Variants in PRR19 observed in about 807,000 individuals in gnomAD.
The protein encoded by PRR19 is proline rich 19.
A neutral mutation model predicts 19.2 loss-of-function variants in PRR19; 9 were observed. The ratio of observed to expected loss-of-function variants is 0.47; its 90% CI spans 0.28 to 0.82. The LOEUF (loss-of-function observed/expected upper bound fraction) is 0.82, where lower values mean the gene tolerates loss of function less well. Ranked by LOEUF, PRR19 falls within the 40% of genes least tolerant of loss-of-function variation. PRR19 has a pLI of 0.11. For missense variants in PRR19, 457 were observed against 466.0 expected, an observed-to-expected ratio of 0.98 and a Z score of 0.18; for synonymous variants, 190 against 191.0, an observed-to-expected ratio of 0.99 and a Z score of 0.04.
chr19:42,303,064 G>GGGGT (rs371257168), intron 1 of PRR19, among the ~76,000 whole-genome samples: 1,804 of 134,032 alleles, frequency 0.013, 17 homozygotes, highest in East Asian at 0.02. Flanking sequence ...AAACACCGTG[G>GGGGT]GTGTGTGTGT....
chr19:42,306,848 G>C (rs928516535), intron 1 of PRR19: 1 of 152,226 alleles, frequency 6.6e-6, no homozygotes, highest in Non-Finnish European at 1.5e-5. Context: ...GGCTGGGAGG[G>C]GAGGGGCTAT....
rs1274347080 is a variant in PRR19, at chr19:42,302,270, C to G, written c.-240C>G. Reference sequence around the variant, plus strand: ...CGCCCGTCGCCCTGTACGTCCTGCACCGGCGTGGGCTTGCTGGCTGGGTTC... The same window carrying G: ...CGCCCGTCGCCCTGTACGTCCTGCAGCGGCGTGGGCTTGCTGGCTGGGTTC... On this transcript the variant is annotated 5_prime_UTR_variant, in exon 1 of 3. Transcript: ENST00000341747. The G allele has an allele frequency of 2.5e-6, 4 of 1,607,156 alleles. No individual in the cohort carries two copies. Among genetic ancestry groups the G allele is most frequent in the African/African-American group, 2.7e-5 (2 of 74,828 alleles).
chr19:42,303,120 A>C (rs2038667350), intron 1 of PRR19, among the ~76,000 whole-genome samples: 1 of 147,642 alleles, frequency 6.8e-6, no homozygotes, highest in South Asian at 2.1e-4. Context: ...AATCTAAAGT[A>C]CATATCTTTG....
intron 1 of PRR19, among the ~76,000 whole-genome samples, chr19:42,303,265 G>C (rs1241556139): frequency 6.6e-6 from 1 of 152,088 alleles, no homozygotes; most frequent in East Asian, 1.9e-4. Flanking sequence ...GGTGCAGAAA[G>C]AGAAAGGAAA....
At chr19:42,305,342 G>A (rs2038696742) in intron 1 of PRR19, among the ~76,000 whole-genome samples, 3 of 150,848 alleles carry the variant, frequency 2.0e-5, no homozygotes, top group South Asian at 2.1e-4. Context: ...GCAATGGCGC[G>A]ATCTCGGCTC....
intron 1 of PRR19, chr19:42,302,834 TG>T: frequency 4.3e-5 from 1 of 23,084 alleles, no homozygotes; most frequent in South Asian, 1.5e-3. Flanking sequence ...ATTCACGTGG[TG>T]GGGGGAGGGG....
At chr19:42,304,156 C>G (rs1003075628) in intron 1 of PRR19, among the ~76,000 whole-genome samples, 1 of 151,842 alleles carries the variant, frequency 6.6e-6, no homozygotes, top group Non-Finnish European at 1.5e-5. Context: ...AGCACACGCC[C>G]GTAGTCCCAG....
At chr19:42,306,019 G>A (rs1033209688) in intron 1 of PRR19, among the ~76,000 whole-genome samples, 6 of 152,036 alleles carry the variant, frequency 3.9e-5, no homozygotes, top group Non-Finnish European at 8.8e-5. Context: ...ATACAGTCGT[G>A]AGCCAATGCA....
Position 42,309,589 on chromosome 19 carries a change from A to G in PRR19, c.5A>G (p.Asp2Gly), listed in dbSNP as rs1944106706. Residue 2 changes from aspartate to glycine, a missense_variant, in exon 2 of 3, where the codon GAT (aspartate) becomes GGT (glycine). Coordinates refer to ENST00000341747, the MANE Select transcript of PRR19 (RefSeq NM_199285.3). M[D>G]TQGPVSQPFQ... The stretch of plus-strand genomic sequence containing the variant: ...ATCTTTATATTCCAGGACACCATGG[A>G]TACCCAGGGACCAGTCTCCCAGCCT... 2 of 1,518,922 alleles carry G rather than the reference A, an allele frequency of 1.3e-6. No homozygotes were observed. Among genetic ancestry groups the G allele is most frequent in the Non-Finnish European group, 1.8e-6 (2 of 1,131,954 alleles). 94.1% of individuals were successfully genotyped at this position (1,518,922 alleles called of 1,614,324 possible).
At chr19:42,305,301 TAG>T (rs1295316414) in intron 1 of PRR19, among the ~76,000 whole-genome samples, 1 of 151,766 alleles carries the variant, frequency 6.6e-6, no homozygotes, top group Non-Finnish European at 1.5e-5. Context: ...TTTTTTTTGA[TAG>T]AGTCTCGCTC....
intron 1 of PRR19, among the ~76,000 whole-genome samples, chr19:42,304,474 T>C (rs1447165801): frequency 7.2e-6 from 1 of 139,626 alleles, no homozygotes; most frequent in Non-Finnish European, 1.5e-5. Flanking sequence ...AAAAAAAGGC[T>C]GGGCGCGGTG....
rs980645298 is a variant in PRR19, at chr19:42,310,621, C to T, written c.952C>T (p.Pro318Ser). 1.9e-6 allele frequency: 3 copies of T among 1,613,962 alleles called. No individual in the cohort carries two copies. The highest frequency in any genetic ancestry group is 4.5e-5 in the East Asian group (2 of 44,880). Residue 318 changes from proline to serine, a missense_variant, in exon 3 of 3, where the codon CCC becomes TCC. Pro to Ser is a moderately conservative substitution (Grantham distance 74). Coordinates refer to ENST00000341747, the MANE Select transcript of PRR19 (RefSeq NM_199285.3). The part of the protein sequence containing the change: ...PLPQPSSPLL[P>S]RTSVLDWSPS... ...GCCTCAGCCTTCATCACCCCTGTTGCCCCGAACCTCTGTCCTGGACTGGAG... is the reference window on the plus strand; with the variant it reads ...GCCTCAGCCTTCATCACCCCTGTTGTCCCGAACCTCTGTCCTGGACTGGAG...
Position 42,310,353 on chromosome 19 carries a change from A to C in PRR19, c.684A>C (p.Gln228His), listed in dbSNP as rs371954955. 11 of 1,613,984 alleles carry C rather than the reference A, an allele frequency of 6.8e-6. No individual in the cohort carries two copies. Among genetic ancestry groups the C allele is most frequent in the Non-Finnish European group, 9.3e-6 (11 of 1,180,012 alleles). Reference protein sequence around the residue: ...SPDQVPEQERQRKQQGTKEFT... With the variant: ...SPDQVPEQERHRKQQGTKEFT... ...ATCAAGTCCCAGAGCAGGAGAGGCAAAGGAAGCAACAAGGGACAAAGGAGT... is the reference window on the plus strand; with the variant it reads ...ATCAAGTCCCAGAGCAGGAGAGGCACAGGAAGCAACAAGGGACAAAGGAGT... The change falls in exon 3 of 3, where the codon CAA becomes CAC. Residue 228 changes from glutamine (Q) to histidine (H), a missense_variant. By Grantham distance (24) the Gln-to-His change is conservative (BLOSUM62 0). Transcript: ENST00000341747.
chr19:42,303,015 C>T (rs2038663972), intron 1 of PRR19, among the ~76,000 whole-genome samples: 1 of 151,292 alleles, frequency 6.6e-6, no homozygotes, highest in African/African-American at 2.4e-5. Flanking sequence ...CGCGCCAGGG[C>T]TTTAGTGAGC....
At chr19:42,304,131 T>A (rs1426979287) in intron 1 of PRR19, among the ~76,000 whole-genome samples, 2 of 144,206 alleles carry the variant, frequency 1.4e-5, no homozygotes, top group African/African-American at 2.6e-5. Context: ...AAAAAAAAAA[T>A]TAGCTAGGCA....
At chr19:42,305,755 A>G (rs1290597300) in intron 1 of PRR19, among the ~76,000 whole-genome samples, 1 of 152,240 alleles carries the variant, frequency 6.6e-6, no homozygotes. Flanking sequence ...TTTTATTACC[A>G]ACCCAATTTT....
Position 42,302,426 on chromosome 19 carries a change from C to T in PRR19, c.-84C>T. ...TCGCGGCAACAAAGGACCGTCCCAACGCTAGCACACCCGCGGAGGACGAAG... is the reference window on the plus strand; with the variant it reads ...TCGCGGCAACAAAGGACCGTCCCAATGCTAGCACACCCGCGGAGGACGAAG... On this transcript the variant is annotated 5_prime_UTR_variant, in exon 1 of 3. In the 5' UTR this introduces an upstream ATG that the reference lacks. Coordinates refer to ENST00000341747, the MANE Select transcript of PRR19 (RefSeq NM_199285.3). 1 of 884,606 alleles carries T rather than the reference C, an allele frequency of 1.1e-6. No homozygotes were observed. Among genetic ancestry groups the T allele is most frequent in the African/African-American group, 1.7e-5 (1 of 59,738 alleles). The allele number at this position is 884,606 out of a possible 1,614,324, so 54.8% of individuals were successfully genotyped here.
At position 42,309,723 on chromosome 19, in the gene PRR19, G is replaced by T; in HGVS notation, c.139G>T (p.Val47Leu). Residue 47 changes from valine to leucine, a missense_variant, in exon 2 of 3, where the codon GTG becomes TTG. Coordinates refer to ENST00000341747, the MANE Select transcript of PRR19 (RefSeq NM_199285.3). ...RRPLAHHDPP[V>L]AIRDPPVVPT... ...GCCATTAGCCCACCACGATCCTCCT[G>T]TGGCCATTCGGGATCCACCTGTGGT... 2 of 1,607,734 alleles carry T rather than the reference G, an allele frequency of 1.2e-6. No individual in the cohort carries two copies. Among genetic ancestry groups the T allele is most frequent in the Non-Finnish European group, 1.7e-6 (2 of 1,175,174 alleles).
chr19:42,306,017 G>A (rs147161018), intron 1 of PRR19, among the ~76,000 whole-genome samples: 103 of 152,184 alleles, frequency 6.8e-4, no homozygotes, highest in Admixed American at 1.3e-3. Context: ...ATATACAGTC[G>A]TGAGCCAATG....
Sources: allele counts gnomAD v4.1 joint callset (sites outside exome capture counted in the v4.1 genomes callset), GRCh38; gene constraint gnomAD v4.1.1; transcripts MANE v1.5; gene names NCBI Gene and HGNC (gene_info 2026-07-23, HGNC 2026-07-21).